AUTS2: variants seen among roughly 807,000 people sequenced by gnomAD.
The protein encoded by AUTS2 is autism susceptibility gene 2 protein.
A neutral mutation model predicts 112.4 loss-of-function variants in AUTS2; 17 were observed. The observed-to-expected ratio is 0.15, with a 90% CI of 0.10 to 0.23. AUTS2 has a LOEUF of 0.23. Ranked by LOEUF, AUTS2 falls within the 10% of genes least tolerant of loss-of-function variation. AUTS2 has a pLI of 1.00. For missense variants in AUTS2, 1,510 were observed against 1,701.6 expected (o/e 0.89, Z 1.98); for synonymous variants, 751 against 702.7 (o/e 1.07, Z -1.09).
In AUTS2 at chr7:69,614,367, T is replaced by TCTTTCTTTCTTTCTTTCTTTTCTTTC. The variant is rs57602451; in HGVS notation, c.309+14405_309+14406insCTTTCTTTCTTTCTTTCTTTTCTTTC. Among the ~76,000 whole-genome samples, 21 of 90,288 alleles carry TCTTTCTTTCTTTCTTTCTTTTCTTTC rather than the reference T, an allele frequency of 2.3e-4. 3 individuals carry two copies. The highest frequency in any genetic ancestry group is 7.9e-4 in the East Asian group (2 of 2,536). 59.2% of individuals were successfully genotyped at this position (90,288 alleles called of 152,430 possible). On this transcript the variant is annotated intron_variant, in intron 1 of 18. Transcript: ENST00000342771. ...TTCTTTCTTTCTTTCTTTCTTTCTT[T>TCTTTCTTTCTTTCTTTCTTTTCTTTC]TTTTAAGAGATGGGATCTCACTCTG...
intron 5 of AUTS2, among the ~76,000 whole-genome samples, chr7:70,490,385 G>A (rs1463649378): frequency 6.6e-6 from 1 of 151,952 alleles, no homozygotes; most frequent in Non-Finnish European, 1.5e-5. Flanking sequence ...CAGGACAGGA[G>A]CTCGACAAGC....
intron 1 of AUTS2, among the ~76,000 whole-genome samples, chr7:69,840,391 A>G (rs1368869211): frequency 2.6e-5 from 4 of 152,212 alleles, no homozygotes; most frequent in Non-Finnish European, 5.9e-5. Context: ...TGATATCTGT[A>G]GAGGAAGTGC....
At chr7:70,402,831 C>A (rs181910997) in intron 4 of AUTS2, among the ~76,000 whole-genome samples, 19 of 152,262 alleles carry the variant, frequency 1.2e-4, no homozygotes, top group Admixed American at 7.8e-4. Flanking sequence ...TGAAGTTGAT[C>A]CCCCCAAATC....
intron 5 of AUTS2, among the ~76,000 whole-genome samples, chr7:70,562,377 G>A (rs900637265): frequency 6.6e-6 from 1 of 152,122 alleles, no homozygotes; most frequent in Non-Finnish European, 1.5e-5. Context: ...AAGCTGCCAG[G>A]GTCGACAACT....
intron 5 of AUTS2, among the ~76,000 whole-genome samples, chr7:70,672,074 A>T (rs1457978420): frequency 6.6e-6 from 1 of 152,190 alleles, no homozygotes; most frequent in East Asian, 1.9e-4. Flanking sequence ...AAGACCACTG[A>T]CAATCAGGAG....
intron 5 of AUTS2, among the ~76,000 whole-genome samples, chr7:70,633,932 T>C (rs987860187): frequency 6.6e-6 from 1 of 152,140 alleles, no homozygotes; most frequent in Non-Finnish European, 1.5e-5. Context: ...TGTGTCAGGA[T>C]TATTCTAGGT....
chr7:69,869,983 T>C (rs1793410335), intron 1 of AUTS2, among the ~76,000 whole-genome samples: 1 of 152,166 alleles, frequency 6.6e-6, no homozygotes, highest in Non-Finnish European at 1.5e-5. Context: ...TCCTAAAAAG[T>C]ACTTGGATAA....
intron 4 of AUTS2, among the ~76,000 whole-genome samples, chr7:70,228,188 C>G (rs1275459471): frequency 6.6e-6 from 1 of 151,484 alleles, no homozygotes; most frequent in Non-Finnish European, 1.5e-5. Flanking sequence ...AACAGTTTTG[C>G]TTTAAAGTCT....
At chr7:69,602,040 ATGTG>A (rs6150156) in intron 1 of AUTS2, among the ~76,000 whole-genome samples, 1,921 of 45,126 alleles carry the variant, frequency 0.043, 18 homozygotes, top group Admixed American at 0.071. Flanking sequence ...ATATATATAT[ATGTG>A]TGTGTGTGTG....
At chr7:70,322,305 G>T (rs984741496) in intron 4 of AUTS2, among the ~76,000 whole-genome samples, 5 of 152,122 alleles carry the variant, frequency 3.3e-5, no homozygotes, top group African/African-American at 9.7e-5. Context: ...CTGCTACATT[G>T]TCCAAAAATG....
intron 1 of AUTS2, among the ~76,000 whole-genome samples, chr7:69,833,016 A>G (rs1206923235): frequency 6.6e-6 from 1 of 152,176 alleles, no homozygotes; most frequent in African/African-American, 2.4e-5. Context: ...AGCTTCTAGG[A>G]TACTTTATTA....
chr7:70,580,688 A>G (rs898711166), intron 5 of AUTS2, among the ~76,000 whole-genome samples: 1 of 152,128 alleles, frequency 6.6e-6, no homozygotes, highest in Non-Finnish European at 1.5e-5. Context: ...TTTTTAATTG[A>G]AAAAGACATT....
chr7:70,688,196 T>C (rs1179894292), intron 5 of AUTS2, among the ~76,000 whole-genome samples: 1 of 152,206 alleles, frequency 6.6e-6, no homozygotes, highest in Non-Finnish European at 1.5e-5. Flanking sequence ...CTAACTAGCA[T>C]GCTGGGACAA....
intron 4 of AUTS2, among the ~76,000 whole-genome samples, chr7:70,242,155 A>G (rs73446350): frequency 0.01 from 1,558 of 152,312 alleles, 36 homozygotes; most frequent in African/African-American, 0.035. Context: ...GAGGTTAGAC[A>G]TGAATAGCCT....
In AUTS2 at chr7:70,154,856, T is replaced by C. The variant is rs1220801259; in HGVS notation, c.660+20285T>C. 4.6e-5 allele frequency among the ~76,000 whole-genome samples: 7 copies of C among 152,308 alleles called. No individual in the cohort carries two copies. The East Asian group carries it at 5.8e-4, about 13-fold the overall frequency. ...TATGGTTGGTTGGGTGCTTTTTTTT[T>C]CCCTTTTAGTATTGGAAGGATATAA... is the stretch of plus-strand genomic sequence containing the variant. On this transcript the variant is annotated intron_variant, in intron 4 of 18. Transcript: ENST00000342771.
At chr7:70,187,767 C>T (rs1809680294) in intron 4 of AUTS2, among the ~76,000 whole-genome samples, 1 of 145,460 alleles carries the variant, frequency 6.9e-6, no homozygotes, top group Admixed American at 7.0e-5. Context: ...ACATACTCAA[C>T]TAGTCTTCTT....
At chr7:70,542,623 T>G (rs1469834569) in intron 5 of AUTS2, among the ~76,000 whole-genome samples, 2 of 152,218 alleles carry the variant, frequency 1.3e-5, no homozygotes, top group African/African-American at 4.8e-5. Flanking sequence ...TTAAACTTTA[T>G]GGTTAACAGA....
At chr7:70,551,603 C>A (rs916538442) in intron 5 of AUTS2, among the ~76,000 whole-genome samples, 1 of 152,036 alleles carries the variant, frequency 6.6e-6, no homozygotes, top group African/African-American at 2.4e-5. Context: ...GCCAAAAGAA[C>A]CCTAGGAAAC....
intron 2 of AUTS2, among the ~76,000 whole-genome samples, chr7:70,047,302 G>T (rs138518973): frequency 1.4e-3 from 218 of 152,136 alleles, no homozygotes; most frequent in African/African-American, 5.1e-3. Flanking sequence ...AAAATTTATT[G>T]AACACCTATA....
Sources: gnomAD v4.1 joint callset for allele counts (sites outside exome capture counted in the v4.1 genomes callset) on GRCh38, gnomAD v4.1.1 for gene constraint, MANE v1.5 for transcripts, NCBI Gene and HGNC (gene_info 2026-07-23, HGNC 2026-07-21) for gene names.